Variants in ROBO1 observed in about 807,000 individuals in gnomAD.
ROBO1 encodes roundabout guidance receptor 1.
Under a neutral mutation model 195.9 loss-of-function variants are expected in ROBO1, and 149 were observed. That is an observed-to-expected ratio of 0.76 (90% CI 0.67 to 0.87). ROBO1 has a LOEUF of 0.87. Ranked by LOEUF, ROBO1 falls within the 40% of genes least tolerant of loss-of-function variation. The probability of loss-of-function intolerance (pLI) is 0.00; values close to 1 mark genes in which losing one functional copy is unlikely to be tolerated. For synonymous variants in ROBO1, 816 were observed against 733.2 expected (o/e 1.11, Z -1.82); for missense variants, 1,933 against 2,068.3 (o/e 0.93, Z 1.27).
chr3:79,719,979 G>A (rs1702635154), intron 1 of ROBO1, among the ~76,000 whole-genome samples: 1 of 152,048 alleles, frequency 6.6e-6, no homozygotes, highest in Admixed American at 6.6e-5. Context: ...TCAGAATAAA[G>A]GTTACAAATG....
chr3:79,027,873 CAT>C (rs1485132804), intron 3 of ROBO1, among the ~76,000 whole-genome samples: 1 of 151,972 alleles, frequency 6.6e-6, no homozygotes, highest in East Asian at 1.9e-4. Flanking sequence ...AGTTATGTAT[CAT>C]ATGTGTATCT....
chr3:78,633,925 T>C lies in ROBO1; in HGVS notation c.3481+10A>G, dbSNP rs1356329433. 1.9e-6 allele frequency: 3 copies of C among 1,570,782 alleles called. No individual in the cohort carries two copies. The highest frequency in any genetic ancestry group is 2.6e-6 in the Non-Finnish European group (3 of 1,147,382). ...TTTAAAGGAGAAGTTCTTTGGTTCA[T>C]CTTACTTACCAGATGTACTACTGCC... On this transcript the variant is annotated intron_variant, in intron 24 of 30. Transcript: ENST00000464233.
At chr3:79,262,190 T>C (rs1399683530) in intron 2 of ROBO1, among the ~76,000 whole-genome samples, 2 of 152,078 alleles carry the variant, frequency 1.3e-5, no homozygotes, top group African/African-American at 2.4e-5. Flanking sequence ...TACCAAATAG[T>C]ACGACTTTTG....
chr3:79,211,472 A>G (rs1195413142), intron 2 of ROBO1, among the ~76,000 whole-genome samples: 1 of 152,138 alleles, frequency 6.6e-6, no homozygotes, highest in Non-Finnish European at 1.5e-5. Flanking sequence ...TCTCTGCATG[A>G]CCCAGCTCTC....
Position 79,489,603 on chromosome 3 carries a change from C to G in ROBO1, c.88+100221G>C, listed in dbSNP as rs538690570. On this transcript the variant is annotated intron_variant, in intron 2 of 30. Transcript: ENST00000464233. ...CAGGGAGGCAGAGGTTGCAGTGAGC[C>G]GAGAACACGCCACTGCACTCCAGCC... Among the ~76,000 whole-genome samples, 197 of 146,652 alleles carry G rather than the reference C, an allele frequency of 1.3e-3. 1 individual carries two copies. Among genetic ancestry groups the G allele is most frequent in the African/African-American group, 4.7e-3 (185 of 39,630 alleles).
At chr3:79,519,189 GA>G (rs1197388599) in intron 2 of ROBO1, among the ~76,000 whole-genome samples, 1 of 152,146 alleles carries the variant, frequency 6.6e-6, no homozygotes, top group African/African-American at 2.4e-5. Flanking sequence ...GTGGTAGAGG[GA>G]AGAGATGATA....
At chr3:79,708,655 G>C (rs1009397734) in intron 1 of ROBO1, among the ~76,000 whole-genome samples, 1 of 152,142 alleles carries the variant, frequency 6.6e-6, no homozygotes, top group African/African-American at 2.4e-5. Flanking sequence ...TTAAGCCCAG[G>C]AGTTTGAGAC....
rs900457928 is a variant in ROBO1, at chr3:79,447,599, T to G, written c.88+142225A>C. ...TTATAAAATCTAGGTAATTAAAGACTTTAAAAATTAAATTGATTTGAGTAC... is the reference window on the plus strand; with the variant it reads ...TTATAAAATCTAGGTAATTAAAGACGTTAAAAATTAAATTGATTTGAGTAC... On this transcript the variant is annotated intron_variant, in intron 2 of 30. Transcript: ENST00000464233. Among the ~76,000 whole-genome samples the G allele has an allele frequency of 4.6e-5, 7 of 152,298 alleles. No individual in the cohort carries two copies. The East Asian group carries it at 1.3e-3, about 29-fold the overall frequency.
chr3:79,587,811 T>C (rs1040518175), intron 2 of ROBO1, among the ~76,000 whole-genome samples: 16 of 151,708 alleles, frequency 1.1e-4, no homozygotes, highest in African/African-American at 3.9e-4. Flanking sequence ...CTAAGGCCAA[T>C]GAGTTCCTTC....
At chr3:79,320,688 A>C (rs2033942593) in intron 2 of ROBO1, among the ~76,000 whole-genome samples, 2 of 152,316 alleles carry the variant, frequency 1.3e-5, no homozygotes, top group South Asian at 4.1e-4. Flanking sequence ...CATAAGAAAT[A>C]TTTTAAAGAC....
At chr3:79,047,032 T>C (rs1343549265) in intron 3 of ROBO1, among the ~76,000 whole-genome samples, 10 of 152,098 alleles carry the variant, frequency 6.6e-5, no homozygotes, top group Admixed American at 6.6e-4. Context: ...ACTTTGGAAG[T>C]AGGCAGCATG....
chr3:78,678,104 T>A (rs896536455), intron 10 of ROBO1, among the ~76,000 whole-genome samples: 1 of 152,104 alleles, frequency 6.6e-6, no homozygotes, highest in African/African-American at 2.4e-5. Context: ...AAGGCAGACA[T>A]AAAGATGTTC....
intron 2 of ROBO1, among the ~76,000 whole-genome samples, chr3:79,212,275 G>A (rs2081979723): frequency 6.6e-6 from 1 of 152,104 alleles, no homozygotes; most frequent in African/African-American, 2.4e-5. Context: ...GCCAGATCTG[G>A]GGGCAGTTTG....
At position 78,780,007 on chromosome 3, in the gene ROBO1, G is replaced by A. The variant is rs11928571; in HGVS notation, c.500-33107C>T. ...ATTCTCAGCAAACTAACACAGGAAC[G>A]GAAAACTGAACACCACGTGATCTCA... On this transcript the variant is annotated intron_variant, in intron 4 of 30. Coordinates refer to ENST00000464233, the MANE Select transcript of ROBO1 (RefSeq NM_002941.4). Among the ~76,000 whole-genome samples, 827 of 152,146 alleles carry A rather than the reference G, an allele frequency of 5.4e-3. 9 individuals carry two copies. The highest frequency in any genetic ancestry group is 0.018 in the African/African-American group (752 of 41,484).
intron 1 of ROBO1, among the ~76,000 whole-genome samples, chr3:79,619,727 C>G (rs1459732340): frequency 6.6e-6 from 1 of 152,142 alleles, no homozygotes. Flanking sequence ...AAAAACCCAG[C>G]CCAGTCCATG....
intron 2 of ROBO1, among the ~76,000 whole-genome samples, chr3:79,525,618 T>C (rs1183514996): frequency 6.7e-6 from 1 of 148,730 alleles, no homozygotes; most frequent in African/African-American, 2.4e-5. Flanking sequence ...CTTTTTTTTT[T>C]TTTTTGAGGT....
chr3:79,391,222 G>T (rs957149642), intron 2 of ROBO1, among the ~76,000 whole-genome samples: 1 of 151,916 alleles, frequency 6.6e-6, no homozygotes, highest in East Asian at 1.9e-4. Context: ...GAGCCCAAGA[G>T]TTGGAGGCTA....
At chr3:78,800,378 G>A (rs1387927490) in intron 4 of ROBO1, among the ~76,000 whole-genome samples, 3 of 151,982 alleles carry the variant, frequency 2.0e-5, no homozygotes, top group East Asian at 3.9e-4. Flanking sequence ...AATAGAAGAC[G>A]AGTAATGAAC....
At chr3:78,913,687 T>G (rs2038388605) in intron 4 of ROBO1, among the ~76,000 whole-genome samples, 1 of 152,134 alleles carries the variant, frequency 6.6e-6, no homozygotes, top group South Asian at 2.1e-4. Context: ...CATTTTATTT[T>G]TTTTCAACTT....
Sources: gnomAD v4.1 joint callset for allele counts (sites outside exome capture counted in the v4.1 genomes callset) on GRCh38, gnomAD v4.1.1 for gene constraint, MANE v1.5 for transcripts, NCBI Gene and HGNC (gene_info 2026-07-23, HGNC 2026-07-21) for gene names.